COL25A1: variants seen among roughly 807,000 people sequenced by gnomAD.
COL25A1 encodes the protein collagen alpha-1(XXV) chain.
A neutral mutation model predicts 128.4 loss-of-function variants in COL25A1; 103 were observed. The observed-to-expected ratio is 0.80, with a 90% CI of 0.68 to 0.94. COL25A1 has a LOEUF of 0.94. Ranked by LOEUF, COL25A1 falls within the 40% of genes least tolerant of loss-of-function variation. The pLI, the probability that COL25A1 is intolerant of heterozygous loss-of-function variation, is 0.00. For synonymous variants in COL25A1, 279 were observed against 277.2 expected, an observed-to-expected ratio of 1.01 and a Z score of -0.06; for missense variants, 745 against 840.0, an observed-to-expected ratio of 0.89 and a Z score of 1.40.
intron 20 of COL25A1, among the ~76,000 whole-genome samples, chr4:108,867,978 T>G (rs1738142718): frequency 6.6e-6 from 1 of 152,126 alleles, no homozygotes; most frequent in South Asian, 2.1e-4. Flanking sequence ...TGGTTTTCAT[T>G]ATAGAATATT....
At chr4:109,261,703 C>CT (rs200946861) in intron 3 of COL25A1, among the ~76,000 whole-genome samples, 3,559 of 144,328 alleles carry the variant, frequency 0.025, 149 homozygotes, top group African/African-American at 0.079. Flanking sequence ...TTTCTTTTTT[C>CT]TTTTTTTTTT....
At chr4:108,843,406 C>A (rs1007274784) in intron 30 of COL25A1, among the ~76,000 whole-genome samples, 5 of 152,108 alleles carry the variant, frequency 3.3e-5, no homozygotes, top group Admixed American at 2.0e-4. Context: ...ACCTGAGAGA[C>A]ACATGTGACC....
intron 24 of COL25A1, among the ~76,000 whole-genome samples, chr4:108,854,816 G>T (rs1463766864): frequency 6.6e-6 from 1 of 152,100 alleles, no homozygotes. Flanking sequence ...ATTCCTCAAG[G>T]ATCTAGAACT....
chr4:109,225,176 C>T lies in COL25A1; in HGVS notation c.367+75407G>A, dbSNP rs117189532. Reference sequence around the variant, plus strand: ...TCACTTCAGTAGGTATATCTGACAACTTTGAAAAATAATCCACAAAGAACT... The same window carrying T: ...TCACTTCAGTAGGTATATCTGACAATTTTGAAAAATAATCCACAAAGAACT... On this transcript the variant is annotated intron_variant, in intron 3 of 37. Coordinates refer to ENST00000399132, the MANE Select transcript of COL25A1 (RefSeq NM_198721.4). 4.3e-3 allele frequency among the ~76,000 whole-genome samples: 655 copies of T among 152,248 alleles called. 6 individuals are homozygous for T. Among genetic ancestry groups the T allele is most frequent in the East Asian group, 0.032 (164 of 5,166 alleles).
chr4:108,916,254 G>A (rs977029567), intron 13 of COL25A1, among the ~76,000 whole-genome samples: 3 of 152,110 alleles, frequency 2.0e-5, no homozygotes, highest in African/African-American at 7.2e-5. Context: ...TCGTTTCCCT[G>A]GGTTTTACAG....
chr4:108,843,751 T>C (rs956880826), intron 30 of COL25A1, among the ~76,000 whole-genome samples: 4 of 152,164 alleles, frequency 2.6e-5, no homozygotes, highest in African/African-American at 4.8e-5. Context: ...TTTTTTAAAA[T>C]TGACACATAA....
chr4:108,910,305 T>C (rs962677804), intron 13 of COL25A1, among the ~76,000 whole-genome samples: 10 of 152,158 alleles, frequency 6.6e-5, no homozygotes, highest in Non-Finnish European at 1.2e-4. Flanking sequence ...TAAAGGTCAA[T>C]GAAGAGAATG....
chr4:108,984,097 T>C (rs1326357333), intron 6 of COL25A1, among the ~76,000 whole-genome samples: 1 of 152,108 alleles, frequency 6.6e-6, no homozygotes, highest in African/African-American at 2.4e-5. Flanking sequence ...CGCACCAGAT[T>C]AGCTAGATAC....
At chr4:109,186,414 A>T (rs1231015831) in intron 3 of COL25A1, among the ~76,000 whole-genome samples, 1 of 152,202 alleles carries the variant, frequency 6.6e-6, no homozygotes, top group African/African-American at 2.4e-5. Flanking sequence ...AATTATATAA[A>T]TGACAGTAAT....
At chr4:108,963,832 T>A (rs1346083977) in intron 8 of COL25A1, among the ~76,000 whole-genome samples, 1 of 151,480 alleles carries the variant, frequency 6.6e-6, no homozygotes, top group East Asian at 1.9e-4. Flanking sequence ...TCTCTTTCGA[T>A]TAAAATATGT....
At chr4:108,905,852 G>A (rs1250930061) in intron 13 of COL25A1, among the ~76,000 whole-genome samples, 1 of 149,988 alleles carries the variant, frequency 6.7e-6, no homozygotes, top group Non-Finnish European at 1.5e-5. Flanking sequence ...CAGTATGTCG[G>A]GGGGGGGTGC....
At chr4:108,983,491 C>T (rs574224355) in intron 6 of COL25A1, among the ~76,000 whole-genome samples, 27 of 152,308 alleles carry the variant, frequency 1.8e-4, no homozygotes, top group Admixed American at 7.8e-4. Context: ...ACTTAAGAAA[C>T]ATTGTTTGCC....
intron 19 of COL25A1, among the ~76,000 whole-genome samples, chr4:108,880,573 C>A (rs1016900682): frequency 6.6e-6 from 1 of 152,208 alleles, no homozygotes. Context: ...GCATTTACTA[C>A]ATGCTTGGCA....
At chr4:108,932,960 G>A (rs114445663) in intron 11 of COL25A1, among the ~76,000 whole-genome samples, 2,586 of 152,202 alleles carry the variant, frequency 0.017, 70 homozygotes, top group African/African-American at 0.057. Flanking sequence ...TTATTTAAGT[G>A]CAAAATCTGG....
intron 3 of COL25A1, among the ~76,000 whole-genome samples, chr4:109,150,742 A>G (rs1237310624): frequency 1.3e-5 from 2 of 152,162 alleles, no homozygotes; most frequent in Non-Finnish European, 2.9e-5. Context: ...ATTTTTTACA[A>G]TTTTGCCATC....
At chr4:108,897,154 C>G (rs1394387162) in intron 15 of COL25A1, among the ~76,000 whole-genome samples, 1 of 152,156 alleles carries the variant, frequency 6.6e-6, no homozygotes, top group East Asian at 1.9e-4. Context: ...CCTGTCCTGT[C>G]TTCAAGCATA....
intron 3 of COL25A1, among the ~76,000 whole-genome samples, chr4:109,076,857 T>A (rs1763424389): frequency 6.6e-6 from 1 of 152,094 alleles, no homozygotes; most frequent in South Asian, 2.1e-4. Flanking sequence ...TTCATGCTCC[T>A]ATGAGAATCT....
intron 3 of COL25A1, among the ~76,000 whole-genome samples, chr4:109,269,813 T>A (rs1344309162): frequency 1.3e-5 from 2 of 152,082 alleles, no homozygotes; most frequent in African/African-American, 2.4e-5. Flanking sequence ...TGATGCAAAA[T>A]TCCTCAATAA....
intron 3 of COL25A1, among the ~76,000 whole-genome samples, chr4:109,148,370 T>A (rs1454025086): frequency 6.6e-6 from 1 of 152,204 alleles, no homozygotes; most frequent in Non-Finnish European, 1.5e-5. Context: ...TTCCAAGGGT[T>A]ACCTAACATG....
Sources: gnomAD v4.1 joint callset for allele counts (sites outside exome capture counted in the v4.1 genomes callset) on GRCh38, gnomAD v4.1.1 for gene constraint, MANE v1.5 for transcripts, NCBI Gene and HGNC (gene_info 2026-07-23, HGNC 2026-07-21) for gene names.